Variants in WDR62 observed in about 807,000 individuals in gnomAD.
WDR62 encodes the protein WD repeat-containing protein 62.
A neutral mutation model predicts 160.6 loss-of-function variants in WDR62; 112 were observed. The observed-to-expected ratio is 0.70, with a 90% CI of 0.60 to 0.82. WDR62 has a LOEUF of 0.82. Ranked by LOEUF, WDR62 falls within the 40% of genes least tolerant of loss-of-function variation. The probability of loss-of-function intolerance (pLI) is 0.00; values close to 1 mark genes in which losing one functional copy is unlikely to be tolerated. For missense variants in WDR62, 1,819 were observed against 1,983.8 expected, an observed-to-expected ratio of 0.92 and a Z score of 1.58; for synonymous variants, 792 against 815.1, an observed-to-expected ratio of 0.97 and a Z score of 0.48.
intron 11 of WDR62, 134 bp downstream of exon 11, chr19:36,083,375 T>C: frequency 1.1e-6 from 1 of 931,464 alleles, no homozygotes; most frequent in Non-Finnish European, 1.7e-6. Context: ...AGTAATCCCA[T>C]GAACAGCTCC....
chr19:36,084,598 G>C, intron 11 of WDR62, 55 bp from the exon 12 acceptor site: 1 of 1,557,146 alleles, frequency 6.4e-7, no homozygotes, highest in Non-Finnish European at 8.8e-7. Context: ...TCTAGAAGTG[G>C]TAGAGCACAT....
intron 7 of WDR62, 122 bp downstream of exon 7, chr19:36,068,132 A>C (rs1971044646): frequency 8.2e-7 from 1 of 1,222,080 alleles, no homozygotes; most frequent in African/African-American, 1.5e-5. Context: ...AATGACGCCC[A>C]CTCTCTGAGC....
In WDR62 at chr19:36,067,833, G is replaced by A. The variant is rs1199856658; in HGVS notation, c.705G>A (p.Thr235=). 16 of 1,613,920 alleles carry A rather than the reference G, an allele frequency of 9.9e-6. No individual in the cohort carries two copies. Among genetic ancestry groups the A allele is most frequent in the African/African-American group, 1.3e-5 (1 of 74,922 alleles). ...FLEVSTETKV[T]STVPLVGRSG... ...TACGCCCTCTGTGTCTCCAGGTGAC[G>A]AGCACAGTGCCCCTTGTAGGGCGCT... The change falls in exon 7 of 32, where the codon ACG becomes ACA. Residue 235 remains threonine (T), a synonymous_variant. Coordinates refer to ENST00000401500, the MANE Select transcript of WDR62 (RefSeq NM_001083961.2).
chr19:36,069,110 G>A (rs1172324141), intron 7 of WDR62, among the ~76,000 whole-genome samples: 1 of 151,024 alleles, frequency 6.6e-6, no homozygotes, highest in Admixed American at 6.6e-5. Flanking sequence ...GGAGCGGCTG[G>A]CCGGGCGGGG....
intron 7 of WDR62, among the ~76,000 whole-genome samples, chr19:36,069,048 T>C (rs1406612319): frequency 3.4e-5 from 5 of 145,788 alleles, no homozygotes; most frequent in African/African-American, 1.3e-4. Flanking sequence ...ACCTCCCTCC[T>C]GGACGGGGCG....
chr19:36,083,297 CA>C, intron 11 of WDR62, 56 bp downstream of exon 11: 1 of 1,536,692 alleles, frequency 6.5e-7, no homozygotes, highest in Middle Eastern at 2.2e-4. Flanking sequence ...CTCAGGTTCT[CA>C]GGGCAGTGGG....
At position 36,073,393 on chromosome 19, in the gene WDR62, G is replaced by T. The variant is rs1555714428; in HGVS notation, c.1095G>T (p.Leu365=). 6.2e-7 allele frequency: 1 copy of T among 1,614,182 alleles called. No homozygotes were observed. The highest frequency in any genetic ancestry group is 8.5e-7 in the Non-Finnish European group (1 of 1,180,032). ...CAGTCTACCCAGATACAGTGGCACT[G>T]ACCTTCGACCCCATCCACCAGTGGC... ...AEAVYPDTVA[L]TFDPIHQWLS... The change falls in exon 9 of 32, where the codon CTG becomes CTT. Residue 365 remains leucine (L), a synonymous_variant. Transcript: ENST00000401500.
At position 36,086,731 on chromosome 19, in the gene WDR62, G is replaced by A; in HGVS notation, c.1687G>A (p.Val563Met). 1 of 1,605,802 alleles carries A rather than the reference G, an allele frequency of 6.2e-7. No individual in the cohort carries two copies. The highest frequency in any genetic ancestry group is 8.5e-7 in the Non-Finnish European group (1 of 1,175,754). Reference sequence around the variant, plus strand: ...AGCCAGTCGGGACCGGCTGATCCATGTGCTGAACGTGGAGAAGAACTACAA... The same window carrying A: ...AGCCAGTCGGGACCGGCTGATCCATATGCTGAACGTGGAGAAGAACTACAA... ...ASASRDRLIHVLNVEKNYNLE... is the reference protein window; with the variant it reads ...ASASRDRLIHMLNVEKNYNLE... The change falls in exon 13 of 32, where the codon GTG becomes ATG. Residue 563 changes from valine (V) to methionine (M), a missense_variant. Val to Met is a conservative substitution (Grantham distance 21). This residue lies in a region of WDR62 where 934 missense variants were observed against 1,157.2 expected (regional missense o/e 0.81). Coordinates refer to ENST00000401500, the MANE Select transcript of WDR62 (RefSeq NM_001083961.2).
intron 6 of WDR62, 40 bp downstream of exon 6, chr19:36,067,483 G>C (rs747672630): frequency 1.7e-5 from 27 of 1,613,390 alleles, no homozygotes; most frequent in Non-Finnish European, 2.1e-5. Context: ...GGCCCTGAGG[G>C]AGTCACCATC....
rs751029038 is a variant in WDR62, at chr19:36,068,030, C to T, written c.882+20C>T. On this transcript the variant is annotated intron_variant, in intron 7 of 31. Transcript: ENST00000401500. ...CTGAAGGTACCACCTCCCTCTCTGCCATCAGCTGGACAGACTCTTTCTCGT... is the reference window on the plus strand; with the variant it reads ...CTGAAGGTACCACCTCCCTCTCTGCTATCAGCTGGACAGACTCTTTCTCGT... 2.4e-5 allele frequency: 39 copies of T among 1,609,168 alleles called. No homozygotes were observed. The highest frequency in any genetic ancestry group is 3.1e-5 in the Non-Finnish European group (37 of 1,177,418).
intron 9 of WDR62, among the ~76,000 whole-genome samples, chr19:36,074,506 A>G (rs138815173): frequency 0.01 from 1,596 of 152,204 alleles, 12 homozygotes; most frequent in South Asian, 0.042. Flanking sequence ...CAAAAAATAC[A>G]TAAAAATTAG....
intron 7 of WDR62, chr19:36,070,618 T>A (rs575627862): frequency 6.6e-6 from 1 of 152,380 alleles, no homozygotes; most frequent in Non-Finnish European, 1.5e-5. Flanking sequence ...GAGATCACCT[T>A]CGAGGTTAAT....
intron 21 of WDR62, 84 bp from the exon 22 acceptor site, chr19:36,099,315 A>G: frequency 8.9e-7 from 1 of 1,125,632 alleles, no homozygotes; most frequent in Non-Finnish European, 1.3e-6. Context: ...CCAAGAGTCC[A>G]GATGGGCTGT....
intron 3 of WDR62, chr19:36,060,906 G>C (rs1970612046): frequency 6.6e-6 from 1 of 152,190 alleles, no homozygotes; most frequent in Non-Finnish European, 1.5e-5. Context: ...CATGATTTGG[G>C]TTTTAGAAAG....
At chr19:36,102,635 A>C in intron 26 of WDR62, 102 bp from the exon 27 acceptor site, 1 of 958,778 alleles carries the variant, frequency 1.0e-6, no homozygotes, top group South Asian at 1.4e-5. Flanking sequence ...GTGTCTGTAC[A>C]TAAGGGTTTC....
downstream of WDR62, among the ~76,000 whole-genome samples, chr19:36,106,671 C>A (rs1409303686): frequency 1.3e-5 from 2 of 152,158 alleles, no homozygotes; most frequent in Non-Finnish European, 2.9e-5. Flanking sequence ...TGTGTGGAAG[C>A]AAGAGGAGCG....
chr19:36,100,270 C>T (rs1367580223), intron 22 of WDR62, among the ~76,000 whole-genome samples: 1 of 152,180 alleles, frequency 6.6e-6, no homozygotes, highest in Non-Finnish European at 1.5e-5. Flanking sequence ...CATTTTTATC[C>T]TATCCTATAA....
intron 7 of WDR62, among the ~76,000 whole-genome samples, chr19:36,068,793 C>G (rs1568331779): frequency 6.6e-6 from 1 of 152,224 alleles, no homozygotes; most frequent in Non-Finnish European, 1.5e-5. Context: ...ATTTCTCTAT[C>G]TTTTCCCCAC....
chr19:36,108,069 G>C (rs1453833988), downstream of WDR62, among the ~76,000 whole-genome samples: 1 of 152,094 alleles, frequency 6.6e-6, no homozygotes, highest in African/African-American at 2.4e-5. Context: ...AAGGCACAAA[G>C]AGAAGGAACA....
Sources: allele counts gnomAD v4.1 joint callset (sites outside exome capture counted in the v4.1 genomes callset), GRCh38; gene constraint gnomAD v4.1.1; regional missense constraint gnomAD v4.1.1; transcripts MANE v1.5; gene names NCBI Gene and HGNC (gene_info 2026-07-23, HGNC 2026-07-21).